Variants in NUP62CL observed in about 807,000 individuals in gnomAD.
NUP62CL encodes the protein nucleoporin-62 C-terminal-like protein.
NUP62CL carries 13 observed loss-of-function variants against 15.3 expected under a neutral mutation model. The ratio of observed to expected loss-of-function variants is 0.85; its 90% CI spans 0.55 to 1.35. NUP62CL has a LOEUF of 1.35. NUP62CL is among the 40% of genes most tolerant of loss of function. The pLI, the probability that NUP62CL is intolerant of heterozygous loss-of-function variation, is 0.00. For missense variants in NUP62CL, 123 were observed against 130.6 expected (o/e 0.94, Z 0.28); for synonymous variants, 54 against 49.2 (o/e 1.10, Z -0.41).
intron 8 of NUP62CL, among the ~76,000 whole-genome samples, chrX:107,145,089 A>G (rs568746074): frequency 7.9e-4 from 88 of 111,423 alleles, no homozygotes; most frequent in South Asian, 4.2e-3. Flanking sequence ...AAAAAATATT[A>G]AAGCGATATA....
At chrX:107,158,889 T>C (rs1215511772) in intron 4 of NUP62CL, among the ~76,000 whole-genome samples, 2 of 70,406 alleles carry the variant, frequency 2.8e-5, no homozygotes, top group Non-Finnish European at 4.5e-5. Flanking sequence ...CTAGCAAGAC[T>C]AATAAAGAAA....
At chrX:107,194,811 C>CTTTTTTTTTTTTTTT (rs1174813324) in intron 1 of NUP62CL, among the ~76,000 whole-genome samples, 1 of 46,303 alleles carries the variant, frequency 2.2e-5, no homozygotes, top group Non-Finnish European at 3.7e-5. Context: ...TTCTTTCTCT[C>CTTTTTTTTTTTTTTT]TTTTTTTTTT....
chrX:107,156,234 G>A (rs1926185914), intron 4 of NUP62CL, among the ~76,000 whole-genome samples: 1 of 111,632 alleles, frequency 9.0e-6, no homozygotes, highest in African/African-American at 3.3e-5. Context: ...GGCTTGATTA[G>A]GTAAACAAAG....
intron 2 of NUP62CL, among the ~76,000 whole-genome samples, chrX:107,184,958 A>C (rs1465286909): frequency 9.0e-6 from 1 of 111,620 alleles, no homozygotes; most frequent in Non-Finnish European, 1.9e-5. Context: ...TGCTGAAAGA[A>C]AAGAACTGTC....
chrX:107,198,845 G>A (rs945801806), intron 1 of NUP62CL, among the ~76,000 whole-genome samples: 5 of 112,272 alleles, frequency 4.5e-5, no homozygotes, highest in Non-Finnish European at 9.4e-5. Flanking sequence ...TGAAGTCAGC[G>A]AGACCAAGAA....
intron 8 of NUP62CL, among the ~76,000 whole-genome samples, chrX:107,144,386 G>C (rs1284253840): frequency 8.9e-6 from 1 of 111,817 alleles, no homozygotes; most frequent in African/African-American, 3.2e-5. Context: ...TTAGCTGTGT[G>C]TTCTTAAAGA....
chrX:107,203,150 C>T (rs748131773), intron 1 of NUP62CL, among the ~76,000 whole-genome samples: 3 of 109,557 alleles, frequency 2.7e-5, no homozygotes, highest in African/African-American at 1.0e-4. Flanking sequence ...GTTAGGCTTC[C>T]TATTGAGCTC....
chrX:107,125,079 C>T (rs908393999), intron 8 of NUP62CL, among the ~76,000 whole-genome samples: 1 of 111,743 alleles, frequency 8.9e-6, no homozygotes, highest in Non-Finnish European at 1.9e-5. Context: ...TTTTCTTCCA[C>T]TTCTGCCACA....
At chrX:107,194,995 T>C (rs745680598) in intron 1 of NUP62CL, among the ~76,000 whole-genome samples, 2 of 108,417 alleles carry the variant, frequency 1.8e-5, no homozygotes, top group African/African-American at 6.7e-5. Flanking sequence ...TTTTGTATTT[T>C]TAGTGGAGAC....
chrX:107,197,912 G>T lies in NUP62CL; in HGVS notation c.-91-4840C>A, dbSNP rs146843029. 2.2e-4 allele frequency among the ~76,000 whole-genome samples: 25 copies of T among 112,254 alleles called. No individual in the cohort carries two copies. In the East Asian group the frequency reaches 7.0e-3, roughly 31 times the overall value. ...AAAATATTATTTTAAAAATAAGTTT[G>T]TATAGGACTCTTCACATATATTACC... On this transcript the variant is annotated intron_variant, in intron 1 of 8. Coordinates refer to ENST00000372466, the MANE Select transcript of NUP62CL (RefSeq NM_017681.3).
At chrX:107,146,030 T>G (rs1925875682) in intron 8 of NUP62CL, among the ~76,000 whole-genome samples, 1 of 111,928 alleles carries the variant, frequency 8.9e-6, no homozygotes, top group African/African-American at 3.2e-5. Context: ...TTAAACATTT[T>G]TGATAAGACT....
At chrX:107,174,890 A>G (rs754756326) in intron 3 of NUP62CL, among the ~76,000 whole-genome samples, 199 bp downstream of exon 3, 2 of 112,275 alleles carry the variant, frequency 1.8e-5, no homozygotes, top group Non-Finnish European at 3.7e-5. Context: ...AGCTATAATA[A>G]CCATGTTAAT....
intron 8 of NUP62CL, among the ~76,000 whole-genome samples, chrX:107,133,667 G>A (rs1434194515): frequency 2.7e-5 from 3 of 112,797 alleles, no homozygotes; most frequent in Admixed American, 1.9e-4. Flanking sequence ...CTGGCCGGGC[G>A]CAGTGGCTCA....
chrX:107,203,072 G>A (rs996212985), intron 1 of NUP62CL, among the ~76,000 whole-genome samples: 1 of 108,233 alleles, frequency 9.2e-6, no homozygotes, highest in African/African-American at 3.4e-5. Context: ...AATCTTGATT[G>A]TCAAATTCAT....
intron 4 of NUP62CL, among the ~76,000 whole-genome samples, chrX:107,154,713 C>G (rs963911531): frequency 4.5e-5 from 5 of 111,544 alleles, no homozygotes; most frequent in Non-Finnish European, 7.5e-5. Context: ...ATTCCCCTGC[C>G]AAGTGGTATC....
At chrX:107,186,108 C>T (rs1051927217) in intron 2 of NUP62CL, among the ~76,000 whole-genome samples, 3 of 111,315 alleles carry the variant, frequency 2.7e-5, no homozygotes, top group Non-Finnish European at 5.7e-5. Context: ...GAGAAATTCA[C>T]TATTACACAG....
At position 107,167,742 on chromosome X, in the gene NUP62CL, G is replaced by A; in HGVS notation, c.101C>T (p.Thr34Ile). ...AAAGCCACTGGTGATTGTGGTAGTAGTGTTGGTGGTGAAAGTGGCGGTGGT... is the reference window on the plus strand; with the variant it reads ...AAAGCCACTGGTGATTGTGGTAGTAATGTTGGTGGTGAAAGTGGCGGTGGT... ...TTTTATFTTN[T>I]TTTITSGFTV... is the part of the protein sequence containing the mutation. The change falls in exon 4 of 9, where the codon ACT (threonine) becomes ATT (isoleucine). Residue 34 changes from threonine (T) to isoleucine (I), a missense_variant. Transcript: ENST00000372466. The A allele has an allele frequency of 8.4e-7, 1 of 1,194,239 alleles. No homozygotes were observed. Among genetic ancestry groups the A allele is most frequent in the Non-Finnish European group, 1.1e-6 (1 of 880,294 alleles).
At chrX:107,197,614 G>A in intron 1 of NUP62CL, among the ~76,000 whole-genome samples, 1 of 108,725 alleles carries the variant, frequency 9.2e-6, no homozygotes, top group African/African-American at 3.3e-5. Flanking sequence ...TTCAAAGAAA[G>A]GAATACTAGA....
chrX:107,180,198 G>A (rs975749027), intron 2 of NUP62CL, among the ~76,000 whole-genome samples: 2 of 112,063 alleles, frequency 1.8e-5, no homozygotes, highest in Non-Finnish European at 3.8e-5. Flanking sequence ...GATTCCAAAT[G>A]GGGGGATAAA....
Sources: allele counts gnomAD v4.1 joint callset (sites outside exome capture counted in the v4.1 genomes callset), GRCh38; gene constraint gnomAD v4.1.1; transcripts MANE v1.5; gene names NCBI Gene and HGNC (gene_info 2026-07-23, HGNC 2026-07-21).